TRMT11: variants seen among roughly 807,000 people sequenced by gnomAD.
The protein encoded by TRMT11 is tRNA methyltransferase 11.
A neutral mutation model predicts 62.8 loss-of-function variants in TRMT11; 53 were observed. The ratio of observed to expected loss-of-function variants is 0.84; its 90% CI spans 0.68 to 1.06. The LOEUF is 1.06. TRMT11 is among the 50% of genes least tolerant of loss of function. TRMT11 has a pLI of 0.00. For missense variants in TRMT11, 556 were observed against 553.4 expected, an observed-to-expected ratio of 1.00 and a Z score of -0.05; for synonymous variants, 188 against 190.3, an observed-to-expected ratio of 0.99 and a Z score of 0.10.
chr6:126,254,978 A>G, the TRMT11 span, among the ~76,000 whole-genome samples: 22 of 152,316 alleles, frequency 1.4e-4, no homozygotes, highest in Non-Finnish European at 2.9e-4. Context: ...GGCCATGTTC[A>G]TATGATCATA....
At chr6:125,990,951 A>G (rs1790516751) in intron 1 of TRMT11, among the ~76,000 whole-genome samples, 1 of 152,082 alleles carries the variant, frequency 6.6e-6, no homozygotes, top group Non-Finnish European at 1.5e-5. Flanking sequence ...AGTTGCTTAA[A>G]AATTTTTTTG....
In TRMT11 at chr6:125,992,974, G is replaced by A. The variant is rs185804995; in HGVS notation, c.73-783G>A. 3.9e-5 allele frequency among the ~76,000 whole-genome samples: 6 copies of A among 152,230 alleles called. No individual in the cohort carries two copies. In the East Asian group the frequency reaches 1.2e-3, roughly 29 times the overall value. On this transcript the variant is annotated intron_variant, in intron 1 of 12. Transcript: ENST00000334379. Reference sequence around the variant, plus strand: ...TTGGAGTGGGGGACTTCCTGGTCTGGGTATAGTTTCCCTTTTGATGGCGGT... The same window carrying A: ...TTGGAGTGGGGGACTTCCTGGTCTGAGTATAGTTTCCCTTTTGATGGCGGT...
the TRMT11 span, chr6:126,257,889 C>G: frequency 1.4e-6 from 2 of 1,419,628 alleles, no homozygotes; most frequent in South Asian, 2.3e-5. Context: ...CAGTGATTGT[C>G]CTGAGCCACC....
chr6:126,095,245 C>A (rs1011008274), intron 17 of TRMT11, among the ~76,000 whole-genome samples: 1 of 152,176 alleles, frequency 6.6e-6, no homozygotes, highest in Non-Finnish European at 1.5e-5. Flanking sequence ...TTTAAGCAAC[C>A]AATCTTCCCC....
Position 125,995,966 on chromosome 6 carries a change from G to A in TRMT11, c.139-1G>A. The A allele has an allele frequency of 6.3e-7, 1 of 1,595,992 alleles. No individual in the cohort carries two copies. Among genetic ancestry groups the A allele is most frequent in the South Asian group, 1.1e-5 (1 of 90,666 alleles). ...AAGTTGCATATTGTTATTTCTTTTA[G>A]TCACCATTTTGGATTCTTAGCATTC... On this transcript the variant is annotated splice_acceptor_variant, in intron 2 of 12. Coordinates refer to ENST00000334379, the MANE Select transcript of TRMT11 (RefSeq NM_001031712.3). LOFTEE classifies it high-confidence loss of function.
At chr6:126,073,425 T>G (rs373774165) in intron 17 of TRMT11, among the ~76,000 whole-genome samples, 1 of 152,206 alleles carries the variant, frequency 6.6e-6, no homozygotes, top group Admixed American at 6.5e-5. Flanking sequence ...GATAATTCCA[T>G]TTTTAATTTT....
chr6:126,218,883 C>T, the TRMT11 span, among the ~76,000 whole-genome samples: 8 of 152,160 alleles, frequency 5.3e-5, no homozygotes, highest in Non-Finnish European at 1.5e-5. Flanking sequence ...CAAGTTCTGA[C>T]TGCTGGGATG....
chr6:126,053,088 A>C (rs530073546), intron 16 of TRMT11, among the ~76,000 whole-genome samples: 1 of 150,714 alleles, frequency 6.6e-6, no homozygotes, highest in African/African-American at 2.4e-5. Flanking sequence ...TACCAAGTTC[A>C]TCTCTGTGTC....
chr6:126,044,336 C>G (rs1006499597), intron 16 of TRMT11, among the ~76,000 whole-genome samples: 3 of 152,112 alleles, frequency 2.0e-5, no homozygotes, highest in Admixed American at 1.3e-4. Flanking sequence ...GCTTGTTTTT[C>G]TCAGGTTTGT....
chr6:126,062,645 A>C (rs17053755), intron 17 of TRMT11, among the ~76,000 whole-genome samples: 17,779 of 152,216 alleles, frequency 0.12, 3,360 homozygotes, highest in African/African-American at 0.4. Flanking sequence ...CATATGGAAA[A>C]TAGCAATGTT....
chr6:126,206,435 C>T (rs1469905701), downstream of TRMT11, among the ~76,000 whole-genome samples: 1 of 152,182 alleles, frequency 6.6e-6, no homozygotes, highest in Non-Finnish European at 1.5e-5. Flanking sequence ...GGTCTATGGA[C>T]CACACTTTGA....
chr6:126,094,555 G>A (rs1033008588), intron 17 of TRMT11, among the ~76,000 whole-genome samples: 1 of 152,094 alleles, frequency 6.6e-6, no homozygotes, highest in Admixed American at 6.6e-5. Flanking sequence ...CAAACCTTAG[G>A]CCACAATAGG....
the TRMT11 span, among the ~76,000 whole-genome samples, chr6:126,223,660 A>G: frequency 6.6e-6 from 1 of 152,234 alleles, no homozygotes; most frequent in South Asian, 2.1e-4. Flanking sequence ...CTTGTATAGT[A>G]TCTTGCAAGG....
chr6:125,996,821 G>A (rs980235247), intron 3 of TRMT11, among the ~76,000 whole-genome samples: 5 of 152,070 alleles, frequency 3.3e-5, no homozygotes, highest in Non-Finnish European at 5.9e-5. Flanking sequence ...CATGGTTAGC[G>A]ATGTTTTATA....
intron 17 of TRMT11, among the ~76,000 whole-genome samples, chr6:126,062,214 C>T (rs1776555164): frequency 6.6e-6 from 1 of 152,144 alleles, no homozygotes; most frequent in African/African-American, 2.4e-5. Context: ...TTGCCTAAGG[C>T]AACCAGGATC....
the TRMT11 span, among the ~76,000 whole-genome samples, chr6:126,209,211 T>C: frequency 6.6e-6 from 1 of 152,112 alleles, no homozygotes; most frequent in South Asian, 2.1e-4. Flanking sequence ...CAATACTGAT[T>C]TCAGAGTCAG....
chr6:126,012,608 C>T (rs776900345), intron 9 of TRMT11, among the ~76,000 whole-genome samples, 163 bp from the exon 10 acceptor site: 6 of 152,166 alleles, frequency 3.9e-5, no homozygotes, highest in Non-Finnish European at 8.8e-5. Context: ...AAGACAGTTG[C>T]TCCTCTCCCA....
intron 17 of TRMT11, among the ~76,000 whole-genome samples, chr6:126,083,840 AT>A (rs1777186323): frequency 3.9e-5 from 6 of 152,304 alleles, no homozygotes; most frequent in African/African-American, 1.4e-4. Context: ...GATTTTAAAA[AT>A]ATTGCACATA....
intron 17 of TRMT11, among the ~76,000 whole-genome samples, chr6:126,055,579 A>G (rs1199595640): frequency 5.9e-5 from 9 of 152,234 alleles, no homozygotes; most frequent in Non-Finnish European, 1.3e-4. Flanking sequence ...ACAAGACTAT[A>G]CCACTTTCAA....
Sources: allele counts gnomAD v4.1 joint callset (sites outside exome capture counted in the v4.1 genomes callset), GRCh38; gene constraint gnomAD v4.1.1; transcripts MANE v1.5; gene names NCBI Gene and HGNC (gene_info 2026-07-23, HGNC 2026-07-21).